The following PLA2G6 variants were observed in gnomAD, a reference collection of about 807,000 sequenced individuals.
PLA2G6 encodes phospholipase A2 group VI, also known as 85/88 kDa calcium-independent phospholipase A2.
PLA2G6 carries 62 observed loss-of-function variants against 83.8 expected under a neutral mutation model. The observed-to-expected ratio is 0.74, with a 90% CI of 0.60 to 0.91. The LOEUF is 0.91. Among genes scored for constraint, PLA2G6 ranks in the 40% least tolerant of loss-of-function variants. The pLI is 0.00. For synonymous variants in PLA2G6, 417 were observed against 449.8 expected (o/e 0.93, Z 0.92); for missense variants, 944 against 1,102.0 (o/e 0.86, Z 2.03).
chr22:38,115,114 C>G (rs907342542), intron 14 of PLA2G6, among the ~76,000 whole-genome samples: 1 of 152,232 alleles, frequency 6.6e-6, no homozygotes, highest in South Asian at 2.1e-4. Flanking sequence ...GAGCCCTTTC[C>G]GAGCCCCCAG....
chr22:38,168,800 A>C (rs576561508), intron 2 of PLA2G6, among the ~76,000 whole-genome samples: 110 of 152,198 alleles, frequency 7.2e-4, no homozygotes, highest in Non-Finnish European at 1.4e-3. Context: ...CAGTGAGCCG[A>C]GATTGCGCCA....
intron 4 of PLA2G6, chr22:38,140,532 C>T (rs951554608): frequency 1.1e-4 from 29 of 275,798 alleles, no homozygotes; most frequent in African/African-American, 5.8e-4. Flanking sequence ...TAAAGAGAAG[C>T]ACCAGGAAAG....
intron 12 of PLA2G6, 49 bp from the exon 13 acceptor site, chr22:38,116,260 C>T: frequency 1.2e-6 from 2 of 1,607,008 alleles, no homozygotes; most frequent in Middle Eastern, 1.7e-4. Context: ...GCCCATCCAC[C>T]TTTCCCTTTC....
chr22:38,115,401 A>G, intron 14 of PLA2G6, 126 bp downstream of exon 14: 2 of 807,456 alleles, frequency 2.5e-6, no homozygotes, highest in South Asian at 2.9e-5. Context: ...CCCTGTGTGC[A>G]CATATGAATG....
intron 2 of PLA2G6, among the ~76,000 whole-genome samples, chr22:38,161,347 G>A (rs2090002147): frequency 6.6e-6 from 1 of 152,042 alleles, no homozygotes; most frequent in Non-Finnish European, 1.5e-5. Context: ...GCCCTCACAT[G>A]GCAGAGACAG....
In PLA2G6 at chr22:38,131,859, C is replaced by T. The variant is rs139968038; in HGVS notation, c.1077+972G>A. 2,409 of 299,178 alleles carry T rather than the reference C, an allele frequency of 8.1e-3. 59 individuals carry two copies. Among genetic ancestry groups the T allele is most frequent in the African/African-American group, 0.05 (2,182 of 43,884 alleles). The allele number at this position is 299,178 out of a possible 1,614,324, so 18.5% of individuals were successfully genotyped here. Reference sequence around the variant, plus strand: ...ATCCCAGCACTTTGGGGTGCCAAGGCGGGTGGATCATGAGGTCAGGAGTTT... The same window carrying T: ...ATCCCAGCACTTTGGGGTGCCAAGGTGGGTGGATCATGAGGTCAGGAGTTT... On this transcript the variant is annotated intron_variant, in intron 7 of 16. Transcript: ENST00000332509.
At chr22:38,179,103 TTAAA>T (rs926059131) in intron 1 of PLA2G6, among the ~76,000 whole-genome samples, 1 of 152,190 alleles carries the variant, frequency 6.6e-6, no homozygotes, top group African/African-American at 2.4e-5. Context: ...GAAATTGATC[TTAAA>T]TAAATACCTG....
chr22:38,178,116 C>A (rs1236895498), intron 1 of PLA2G6, among the ~76,000 whole-genome samples: 3 of 152,218 alleles, frequency 2.0e-5, no homozygotes, highest in Non-Finnish European at 4.4e-5. Flanking sequence ...TGCCCCGAAA[C>A]TGTCACTGGA....
At position 38,122,770 on chromosome 22, in the gene PLA2G6, C is replaced by T. The variant is rs149653817; in HGVS notation, c.1591+325G>A. Among the ~76,000 whole-genome samples, 294 of 152,294 alleles carry T rather than the reference C, an allele frequency of 1.9e-3. 1 individual carries two copies. The highest frequency in any genetic ancestry group is 6.5e-3 in the African/African-American group (272 of 41,558). On this transcript the variant is annotated intron_variant, in intron 11 of 16. Transcript: ENST00000332509. ...TCCTTATGTGCAGCAGGCTGTGTGG[C>T]CCCTGGTGCCTGCTTTGCAGGGGTG...
intron 2 of PLA2G6, among the ~76,000 whole-genome samples, chr22:38,156,210 C>G (rs992319096): frequency 5.3e-5 from 8 of 152,098 alleles, no homozygotes; most frequent in Admixed American, 6.6e-5. Context: ...AGAGATAGAC[C>G]TCAATACAAT....
chr22:38,174,259 G>A (rs376212883), intron 1 of PLA2G6, among the ~76,000 whole-genome samples: 23 of 151,698 alleles, frequency 1.5e-4, no homozygotes, highest in African/African-American at 4.8e-4. Flanking sequence ...TTAGCTGGGC[G>A]TGGTGGCGGG....
intron 2 of PLA2G6, 74 bp downstream of exon 2, chr22:38,169,144 G>T: frequency 1.7e-6 from 2 of 1,177,064 alleles, no homozygotes; most frequent in South Asian, 2.6e-5. Flanking sequence ...ACTGCTTCTC[G>T]GCCAATAAGA....
intron 2 of PLA2G6, among the ~76,000 whole-genome samples, chr22:38,157,762 G>A (rs984566860): frequency 1.3e-5 from 2 of 152,098 alleles, no homozygotes; most frequent in African/African-American, 4.8e-5. Flanking sequence ...ACGGCCAGGC[G>A]CAGTGGCTCA....
At chr22:38,113,261 C>T (rs1297286964) in intron 15 of PLA2G6, among the ~76,000 whole-genome samples, 4 of 152,144 alleles carry the variant, frequency 2.6e-5, no homozygotes, top group African/African-American at 9.7e-5. Flanking sequence ...GAAAGGGATC[C>T]GCAGCTAAAA....
chr22:38,177,097 T>C (rs2090664098), intron 1 of PLA2G6, among the ~76,000 whole-genome samples: 1 of 150,770 alleles, frequency 6.6e-6, no homozygotes, highest in Admixed American at 6.6e-5. Flanking sequence ...GTTTGGCATG[T>C]GGAGAAATCA....
chr22:38,126,553 C>T lies in PLA2G6; in HGVS notation c.1349-104G>A, dbSNP rs11570706. ...CTGGGCTGTGCCTCGCCCACGGCCA[C>T]GCCCTCATCCCCCCACTCCCCCTGT... On this transcript the variant is annotated intron_variant, in intron 9 of 16. Transcript: ENST00000332509. 3.9e-4 allele frequency: 306 copies of T among 790,746 alleles called. 1 individual carries two copies. The highest frequency in any genetic ancestry group is 3.5e-3 in the African/African-American group (207 of 59,232). The allele number at this position is 790,746 out of a possible 1,614,324, so 49.0% of individuals were successfully genotyped here.
chr22:38,169,329 G>A lies in PLA2G6; in HGVS notation c.98C>T (p.Thr33Ile), dbSNP rs141776757. The A allele has an allele frequency of 1.2e-6, 2 of 1,614,188 alleles. No individual in the cohort carries two copies. The highest frequency in any genetic ancestry group is 1.7e-6 in the Non-Finnish European group (2 of 1,180,010). The change falls in exon 2 of 17, where the codon ACC becomes ATC. Residue 33 changes from threonine (T) to isoleucine (I), a missense_variant. Coordinates refer to ENST00000332509, the MANE Select transcript of PLA2G6 (RefSeq NM_003560.4). ...RVKEVAVADY[T>I]SSDRVREEGQ... is the part of the protein sequence containing the mutation. ...TTCCTCCCGAACTCGGTCACTCGAG[G>A]TGTAGTCGGCCACAGCCACCTCCTT...
intron 2 of PLA2G6, chr22:38,147,762 G>C (rs531958867): frequency 1.9e-4 from 29 of 152,342 alleles, no homozygotes; most frequent in Admixed American, 1.9e-3. Flanking sequence ...ATGTTGGCCA[G>C]GCTGGTCTCG....
Position 38,145,477 on chromosome 22 carries a change from A to G in PLA2G6, c.386T>C (p.Leu129Pro), listed in dbSNP as rs374746113. The change falls in exon 3 of 17, where the codon CTA (leucine) becomes CCA (proline). Residue 129 changes from leucine to proline, a missense_variant. Physicochemically the swap from Leu to Pro is moderately conservative, Grantham distance 98. Coordinates refer to ENST00000332509, the MANE Select transcript of PLA2G6 (RefSeq NM_003560.4). ...SWSVAHLAVE[L>P]GIRECFHHSR... The stretch of plus-strand genomic sequence containing the variant: ...GTGATGGAAGCACTCGCGGATCCCT[A>G]GCTCCACAGCCAGGTGGGCCACTGA... The G allele has an allele frequency of 2.6e-5, 42 of 1,611,876 alleles. No individual in the cohort carries two copies. In the African/African-American group the frequency reaches 5.5e-4, roughly 21 times the overall value.
Sources: allele counts gnomAD v4.1 joint callset (sites outside exome capture counted in the v4.1 genomes callset), GRCh38; gene constraint gnomAD v4.1.1; transcripts MANE v1.5; gene names NCBI Gene and HGNC (gene_info 2026-07-23, HGNC 2026-07-21).